HIP1: variants seen among roughly 807,000 people sequenced by gnomAD.
HIP1 encodes huntingtin-interacting protein 1.
HIP1 carries 65 observed loss-of-function variants against 147.6 expected under a neutral mutation model. The observed-to-expected ratio is 0.44, with a 90% CI of 0.36 to 0.54. The LOEUF is 0.54. HIP1 is among the 20% of genes least tolerant of loss of function. The pLI is 0.00. For missense variants in HIP1, 1,061 were observed against 1,299.6 expected, an observed-to-expected ratio of 0.82 and a Z score of 2.82; for synonymous variants, 479 against 504.0, an observed-to-expected ratio of 0.95 and a Z score of 0.67.
intron 2 of HIP1, among the ~76,000 whole-genome samples, chr7:75,595,224 CTTTCTTTCTTTCTTTCTTTCTTT>C (rs1796658997): frequency 2.0e-5 from 2 of 100,070 alleles, no homozygotes; most frequent in African/African-American, 9.9e-5. Flanking sequence ...TTCTTTCTTT[CTTTCTTTCTTTCTTTCTTTCTTT>C]CTTTCTTCCT....
At chr7:75,673,822 A>G (rs1030904699) in intron 1 of HIP1, among the ~76,000 whole-genome samples, 5 of 146,946 alleles carry the variant, frequency 3.4e-5, no homozygotes, top group Non-Finnish European at 7.5e-5. Flanking sequence ...TATCTCTACA[A>G]AAAAAAAAAA....
intron 1 of HIP1, among the ~76,000 whole-genome samples, chr7:75,726,284 A>ATT (rs60658791): frequency 0.096 from 14,080 of 147,342 alleles, 829 homozygotes; most frequent in Middle Eastern, 0.15. Flanking sequence ...GTGCCTGGGC[A>ATT]TTTTTTTTTT....
intron 1 of HIP1, among the ~76,000 whole-genome samples, chr7:75,603,120 G>A (rs587651196): frequency 6.6e-6 from 1 of 152,028 alleles, no homozygotes; most frequent in Non-Finnish European, 1.5e-5. Flanking sequence ...GCAGAGGCGG[G>A]AGGATCACCT....
intron 1 of HIP1, among the ~76,000 whole-genome samples, chr7:75,703,078 G>T (rs1195708847): frequency 2.0e-5 from 3 of 152,210 alleles, no homozygotes; most frequent in African/African-American, 4.8e-5. Flanking sequence ...GGCCGGGTGA[G>T]GTGGCTCACG....
intron 9 of HIP1, chr7:75,563,489 C>G (rs117243226): frequency 0.014 from 7,904 of 551,574 alleles, 79 homozygotes; most frequent in Non-Finnish European, 0.019. Context: ...GCTACAAATC[C>G]TTTGGAAGAG....
intron 1 of HIP1, among the ~76,000 whole-genome samples, chr7:75,685,335 C>G (rs1365860194): frequency 6.6e-6 from 1 of 152,118 alleles, no homozygotes; most frequent in East Asian, 1.9e-4. Context: ...CACCAGGGAA[C>G]AGGTGCCCCA....
At chr7:75,639,063 A>C (rs1199335970) in intron 1 of HIP1, 1 of 984,056 alleles carries the variant, frequency 1.0e-6, no homozygotes, top group East Asian at 1.1e-4. Flanking sequence ...TCTTGCTCAC[A>C]TCCATGACCG....
In HIP1 at chr7:75,534,859, C is replaced by G. The variant is rs988166130; in HGVS notation, c.*3313G>C. The G allele has an allele frequency of 5.3e-5, 11 of 206,234 alleles. No individual in the cohort carries two copies. In the East Asian group the frequency reaches 7.4e-4, roughly 14 times the overall value. The allele number at this position is 206,234 out of a possible 1,614,324, so 12.8% of individuals were successfully genotyped here. On this transcript the variant is annotated 3_prime_UTR_variant, in exon 31 of 31. Coordinates refer to ENST00000336926, the MANE Select transcript of HIP1 (RefSeq NM_005338.7). ...TCCTAAGCCATGATTTTGTTGCTGT[C>G]CCATCTTGTCATGACCCATTTACGC...
chr7:75,710,714 A>G (rs922557535), intron 1 of HIP1, among the ~76,000 whole-genome samples: 3 of 152,170 alleles, frequency 2.0e-5, no homozygotes, highest in Admixed American at 6.6e-5. Context: ...GATCATGCCT[A>G]TGAATAGCCA....
At chr7:75,639,590 T>TGTGTGTGC (rs533751823) in intron 1 of HIP1, among the ~76,000 whole-genome samples, 2,092 of 150,106 alleles carry the variant, frequency 0.014, 21 homozygotes, top group Middle Eastern at 0.054. Context: ...TGTGTGTGTG[T>TGTGTGTGC]GTGCGCCCGC....
At chr7:75,683,626 A>C (rs1800165997) in intron 1 of HIP1, among the ~76,000 whole-genome samples, 1 of 152,140 alleles carries the variant, frequency 6.6e-6, no homozygotes, top group Non-Finnish European at 1.5e-5. Context: ...GAGGTGCAGC[A>C]TGCCCCATCC....
In HIP1 at chr7:75,630,458, C is replaced by CA. The variant is rs34336932; in HGVS notation, c.121-31212dup. On this transcript the variant is annotated intron_variant, in intron 1 of 30. Coordinates refer to ENST00000336926, the MANE Select transcript of HIP1 (RefSeq NM_005338.7). ...ATGGAGGATAGACCGAGATCCACCT[C>CA]AAAAAAAAAAAAAAAAAAAGATTTG... 7.2e-3 allele frequency among the ~76,000 whole-genome samples: 754 copies of CA among 105,076 alleles called. 6 individuals are homozygous for CA. The highest frequency in any genetic ancestry group is 0.013 in the African/African-American group (405 of 30,924). The allele number at this position is 105,076 out of a possible 152,430, so 68.9% of individuals were successfully genotyped here. A position where few individuals can be genotyped will look rare whatever the true frequency, so the allele number is the denominator to read the frequency against.
rs192657507 is a variant in HIP1, at chr7:75,548,279, G to A, written c.2407-466C>T. Among the ~76,000 whole-genome samples the A allele has an allele frequency of 3.5e-3, 524 of 151,622 alleles. 3 individuals are homozygous for A. Among genetic ancestry groups the A allele is most frequent in the African/African-American group, 0.011 (467 of 41,282 alleles). The stretch of plus-strand genomic sequence containing the variant: ...CCTGACCTCATGATCTGCCTGCCTC[G>A]GCCTCCCAAAGTGCTGGGAATACAG... On this transcript the variant is annotated intron_variant, in intron 23 of 30. Transcript: ENST00000336926.
chr7:75,662,984 A>G (rs938550644), intron 1 of HIP1, among the ~76,000 whole-genome samples: 9 of 152,204 alleles, frequency 5.9e-5, no homozygotes, highest in African/African-American at 2.2e-4. Flanking sequence ...GGCTTCCTCA[A>G]TGAAAATCCC....
intron 1 of HIP1, among the ~76,000 whole-genome samples, chr7:75,651,768 T>C (rs1445268472): frequency 6.6e-6 from 1 of 152,146 alleles, no homozygotes; most frequent in East Asian, 1.9e-4. Flanking sequence ...CCTCTTGGGG[T>C]TGTTTTGACG....
Position 75,582,154 on chromosome 7 carries a change from G to T in HIP1, c.466-3C>A, listed in dbSNP as rs1482811826. 1.9e-6 allele frequency: 3 copies of T among 1,613,234 alleles called. No individual in the cohort carries two copies. Among genetic ancestry groups the T allele is most frequent in the Non-Finnish European group, 2.5e-6 (3 of 1,179,332 alleles). The stretch of plus-strand genomic sequence containing the variant: ...AGGTTGCCTGGGAACCTGGGATTCT[G>T]GAAGGGAGGCAGAGGAAGGGAGTCA... On this transcript the variant is annotated splice_polypyrimidine_tract_variant and splice_region_variant and intron_variant, in intron 5 of 30. Transcript: ENST00000336926.
rs1554490743 is a variant in HIP1 at position 75,545,095 on chromosome 7, C to T, written c.2653G>A (p.Val885Ile). The T allele has an allele frequency of 6.3e-7, 1 of 1,597,392 alleles. No individual in the cohort carries two copies. The highest frequency in any genetic ancestry group is 8.6e-7 in the Non-Finnish European group (1 of 1,169,296). Residue 885 changes from valine (V) to isoleucine (I), a missense_variant, in exon 26 of 31, where the codon GTC becomes ATC. Transcript: ENST00000336926. ...ASKAVGWGAT[V>I]MVDAADLVVQ... ...GTACCAATAGATACTTACACCATGACAGTGGCTCCCCAGCCCACAGCCTTG... is the reference window on the plus strand; with the variant it reads ...GTACCAATAGATACTTACACCATGATAGTGGCTCCCCAGCCCACAGCCTTG...
Position 75,546,969 on chromosome 7 carries a change from G to A in HIP1, c.2529C>T (p.Asp843=). ...CGCTCTCCACAATCTCTCTCTGGAG[G>A]TCCTTAGAGGCCACGATGAGCACCT... ...AIQVLIVASK[D]LQREIVESGR... The change falls in exon 25 of 31, where the codon GAC becomes GAT. Residue 843 remains aspartate, a synonymous_variant. Coordinates refer to ENST00000336926, the MANE Select transcript of HIP1 (RefSeq NM_005338.7). 1 of 1,580,882 alleles carries A rather than the reference G, an allele frequency of 6.3e-7. No individual in the cohort carries two copies. The highest frequency in any genetic ancestry group is 8.6e-7 in the Non-Finnish European group (1 of 1,162,216).
chr7:75,607,005 G>A (rs1797247641), intron 1 of HIP1, among the ~76,000 whole-genome samples: 1 of 151,920 alleles, frequency 6.6e-6, no homozygotes, highest in Admixed American at 6.6e-5. Flanking sequence ...TGAGGCTGGA[G>A]GATTGCTTGA....
Sources: gnomAD v4.1 joint callset for allele counts (sites outside exome capture counted in the v4.1 genomes callset) on GRCh38, gnomAD v4.1.1 for gene constraint, MANE v1.5 for transcripts, NCBI Gene and HGNC (gene_info 2026-07-23, HGNC 2026-07-21) for gene names.